Variants in CA8 observed in about 807,000 individuals in gnomAD.
The protein encoded by CA8 is carbonic anhydrase-related protein.
CA8 carries 22 observed loss-of-function variants against 41.4 expected under a neutral mutation model. The observed-to-expected ratio is 0.53, with a 90% CI of 0.38 to 0.76. CA8 has a LOEUF of 0.76. Ranked by LOEUF, CA8 falls within the 30% of genes least tolerant of loss-of-function variation. The pLI, the probability that CA8 is intolerant of heterozygous loss-of-function variation, is 0.00. For synonymous variants in CA8, 121 were observed against 130.6 expected, an observed-to-expected ratio of 0.93 and a Z score of 0.50; for missense variants, 270 against 352.8, an observed-to-expected ratio of 0.77 and a Z score of 1.88.
At chr8:60,243,994 A>G (rs1378581418) in intron 3 of CA8, among the ~76,000 whole-genome samples, 2 of 152,140 alleles carry the variant, frequency 1.3e-5, no homozygotes, top group African/African-American at 4.8e-5. Flanking sequence ...TCCCTTTATT[A>G]AACTGCCCAG....
At position 60,203,784 on chromosome 8, in the gene CA8, T is replaced by C. The variant is rs374515759; in HGVS notation, c.*35+4966A>G. Among the ~76,000 whole-genome samples, 9 of 152,354 alleles carry C rather than the reference T, an allele frequency of 5.9e-5. No individual in the cohort carries two copies. The East Asian group carries it at 1.2e-3, about 20-fold the overall frequency. ...TCCTTAGATGAATTTTTAAGCTTTA[T>C]GTTTTCAGTTGGAGACTTACTAACA... On this transcript the variant is annotated intron_variant, in intron 8 of 8. Transcript: ENST00000317995.
At chr8:60,257,288 T>G (rs1808673240) in intron 3 of CA8, among the ~76,000 whole-genome samples, 1 of 152,124 alleles carries the variant, frequency 6.6e-6, no homozygotes, top group Non-Finnish European at 1.5e-5. Context: ...CCAAAAAGCT[T>G]TTTGCATCCC....
chr8:60,271,259 T>C (rs1804062317), intron 2 of CA8, among the ~76,000 whole-genome samples: 1 of 152,006 alleles, frequency 6.6e-6, no homozygotes, highest in Non-Finnish European at 1.5e-5. Context: ...GGCAGATTGC[T>C]TGAGCCCAGG....
At chr8:60,205,506 A>G (rs1563522921) in intron 8 of CA8, among the ~76,000 whole-genome samples, 1 of 152,306 alleles carries the variant, frequency 6.6e-6, no homozygotes, top group East Asian at 1.9e-4. Flanking sequence ...AAATACATTT[A>G]GTTCTCCTGC....
chr8:60,276,273 T>A (rs13272076), intron 2 of CA8, among the ~76,000 whole-genome samples: 4 of 151,852 alleles, frequency 2.6e-5, no homozygotes, highest in South Asian at 2.1e-4. Context: ...CTTCCCAGGC[T>A]TGAGGTCCAA....
chr8:60,209,202 C>A (rs1806747069), intron 7 of CA8, among the ~76,000 whole-genome samples: 1 of 152,172 alleles, frequency 6.6e-6, no homozygotes, highest in Admixed American at 6.5e-5. Context: ...AAAAATGATA[C>A]AGGCCGGGCA....
At chr8:60,213,456 T>C (rs554528940) in intron 7 of CA8, among the ~76,000 whole-genome samples, 8 of 152,302 alleles carry the variant, frequency 5.3e-5, no homozygotes, top group Non-Finnish European at 1.0e-4. Flanking sequence ...TACAAGCAAT[T>C]AAAAATAACA....
At chr8:60,220,133 T>G (rs1256377258) in intron 7 of CA8, among the ~76,000 whole-genome samples, 2 of 152,082 alleles carry the variant, frequency 1.3e-5, no homozygotes, top group Non-Finnish European at 2.9e-5. Context: ...ATAGCTCTTG[T>G]TCATGAATCT....
intron 8 of CA8, among the ~76,000 whole-genome samples, chr8:60,195,618 T>G (rs1320730712): frequency 6.6e-6 from 1 of 152,172 alleles, no homozygotes; most frequent in African/African-American, 2.4e-5. Context: ...GTGGAACACT[T>G]CCTCAGGCAG....
intron 3 of CA8, among the ~76,000 whole-genome samples, chr8:60,261,988 G>A (rs1191093750): frequency 6.6e-6 from 1 of 152,178 alleles, no homozygotes; most frequent in Non-Finnish European, 1.5e-5. Flanking sequence ...GGGATTACAG[G>A]TGTGAGCCAC....
At chr8:60,261,605 A>C (rs1462063472) in intron 3 of CA8, among the ~76,000 whole-genome samples, 1 of 152,254 alleles carries the variant, frequency 6.6e-6, no homozygotes, top group Non-Finnish European at 1.5e-5. Flanking sequence ...CCAATTTATG[A>C]GTCCATGCCT....
chr8:60,273,801 G>A (rs776712012), intron 2 of CA8, among the ~76,000 whole-genome samples: 1 of 152,236 alleles, frequency 6.6e-6, no homozygotes, highest in South Asian at 2.1e-4. Context: ...GTTCATCAGT[G>A]ACCTTGGCTT....
At chr8:60,270,714 C>T (rs1054766651) in intron 2 of CA8, among the ~76,000 whole-genome samples, 1 of 152,224 alleles carries the variant, frequency 6.6e-6, no homozygotes, top group African/African-American at 2.4e-5. Context: ...CCATGCCCAG[C>T]TCCAAAGGGT....
rs1203307079 is a variant in CA8 at position 60,269,324 on chromosome 8, CACT to C, written c.293-3278_293-3276del. On this transcript the variant is annotated intron_variant, in intron 2 of 8. Coordinates refer to ENST00000317995, the MANE Select transcript of CA8 (RefSeq NM_004056.6). ...CAAATTTTGCTGAGTGATATTGGGT[CACT>C]ACATGGCAGGTTTATTAGTTATGAT... is the stretch of plus-strand genomic sequence containing the variant. Among the ~76,000 whole-genome samples, 5 of 152,206 alleles carry C rather than the reference CACT, an allele frequency of 3.3e-5. No individual in the cohort carries two copies. The South Asian group carries it at 6.2e-4, about 19-fold the overall frequency.
intron 3 of CA8, among the ~76,000 whole-genome samples, chr8:60,243,977 G>A (rs1340664605): frequency 6.6e-6 from 1 of 152,060 alleles, no homozygotes; most frequent in African/African-American, 2.4e-5. Context: ...TCTGTCCCGA[G>A]ACCATATCCC....
intron 2 of CA8, among the ~76,000 whole-genome samples, chr8:60,275,886 G>A (rs1269249204): frequency 1.3e-5 from 2 of 152,152 alleles, no homozygotes; most frequent in East Asian, 1.9e-4. Context: ...GCAGAACGGC[G>A]CTAGATCTTT....
intron 3 of CA8, among the ~76,000 whole-genome samples, chr8:60,260,223 C>T (rs1482758992): frequency 6.6e-6 from 1 of 152,160 alleles, no homozygotes; most frequent in Non-Finnish European, 1.5e-5. Context: ...CCCCAGACCG[C>T]AGTAAGCATC....
intron 2 of CA8, among the ~76,000 whole-genome samples, chr8:60,272,817 G>A (rs867223742): frequency 3.9e-5 from 6 of 152,222 alleles, no homozygotes; most frequent in Non-Finnish European, 8.8e-5. Context: ...GTTTGCAAAA[G>A]ATGAAACAAA....
At chr8:60,259,778 T>C (rs1475839343) in intron 3 of CA8, among the ~76,000 whole-genome samples, 2 of 151,642 alleles carry the variant, frequency 1.3e-5, no homozygotes, top group Admixed American at 1.3e-4. Flanking sequence ...AGGGAGATTC[T>C]GCAATCATGA....
Sources: allele counts gnomAD v4.1 joint callset (sites outside exome capture counted in the v4.1 genomes callset), GRCh38; gene constraint gnomAD v4.1.1; transcripts MANE v1.5; gene names NCBI Gene and HGNC (gene_info 2026-07-23, HGNC 2026-07-21).